TSPAN9: variants seen among roughly 807,000 people sequenced by gnomAD.
TSPAN9 encodes the protein tetraspanin 9, also known as tetraspanin-9.
A neutral mutation model predicts 31.0 loss-of-function variants in TSPAN9; 16 were observed. The observed-to-expected ratio is 0.52, with a 90% CI of 0.35 to 0.78. The LOEUF is 0.78. Among genes scored for constraint, TSPAN9 ranks in the 30% least tolerant of loss-of-function variants. The pLI is 0.01. For missense variants in TSPAN9, 272 were observed against 312.5 expected, an observed-to-expected ratio of 0.87 and a Z score of 0.98; for synonymous variants, 145 against 121.6, an observed-to-expected ratio of 1.19 and a Z score of -1.27.
At chr12:3,281,467 G>T in intron 7 of TSPAN9, 138 bp downstream of exon 7, 1 of 772,122 alleles carries the variant, frequency 1.3e-6, no homozygotes, top group Non-Finnish European at 1.8e-6. Flanking sequence ...CAAAAATAAA[G>T]CCAAAAGACA....
In TSPAN9 at chr12:3,084,977, G is replaced by C. The variant is rs561217572; in HGVS notation, c.-18+1258G>C. Among the ~76,000 whole-genome samples, 9 of 152,340 alleles carry C rather than the reference G, an allele frequency of 5.9e-5. No individual in the cohort carries two copies. The South Asian group carries it at 1.9e-3, about 32-fold the overall frequency. On this transcript the variant is annotated intron_variant, in intron 2 of 8. Transcript: ENST00000011898. ...TCCCGCCTCCCTGGGGCCCGGATGG[G>C]TGTCTGCTTTCATTCTTGCAGCTCT...
At chr12:3,281,480 T>G (rs1591724356) in intron 7 of TSPAN9, 151 bp downstream of exon 7, 69 of 775,122 alleles carry the variant, frequency 8.9e-5, no homozygotes, top group East Asian at 3.2e-4. Flanking sequence ...AAAAGACAGG[T>G]GGAAAATGGG....
intron 2 of TSPAN9, chr12:3,199,864 AG>A: frequency 6.6e-6 from 1 of 152,340 alleles, no homozygotes; most frequent in Non-Finnish European, 1.5e-5. Context: ...AAAGGCATGG[AG>A]GGGGGCGTGT....
chr12:3,227,317 G>A (rs766388448), intron 3 of TSPAN9, among the ~76,000 whole-genome samples: 16 of 152,190 alleles, frequency 1.1e-4, no homozygotes, highest in Non-Finnish European at 7.3e-5. Flanking sequence ...CCAGGGCTGC[G>A]CAGCCTGGGC....
chr12:3,094,559 G>A (rs1364979597), intron 2 of TSPAN9, among the ~76,000 whole-genome samples: 2 of 147,726 alleles, frequency 1.4e-5, no homozygotes, highest in Non-Finnish European at 3.0e-5. Flanking sequence ...TTTTTGAGAC[G>A]GAGTTTTGCT....
chr12:3,247,308 C>T (rs1157646703), intron 3 of TSPAN9, among the ~76,000 whole-genome samples: 4 of 50,898 alleles, frequency 7.9e-5, no homozygotes, highest in Admixed American at 3.4e-4. Context: ...AGCCCCCCCC[C>T]CCCCGCCACC....
At chr12:3,082,225 A>G (rs1006035306) in intron 1 of TSPAN9, among the ~76,000 whole-genome samples, 15 of 152,226 alleles carry the variant, frequency 9.9e-5, no homozygotes, top group African/African-American at 2.7e-4. Context: ...GGTGGTGGAC[A>G]TGAACCCCGG....
At chr12:3,129,928 C>T (rs754346361) in intron 2 of TSPAN9, among the ~76,000 whole-genome samples, 6 of 152,180 alleles carry the variant, frequency 3.9e-5, no homozygotes, top group Non-Finnish European at 7.3e-5. Flanking sequence ...CCCTCCATGC[C>T]CTCTGTGCAT....
chr12:3,078,666 T>A (rs2098296323), intron 1 of TSPAN9, among the ~76,000 whole-genome samples: 2 of 152,112 alleles, frequency 1.3e-5, no homozygotes. Context: ...CTGATGCAGC[T>A]GGGCTGTGGG....
chr12:3,092,143 A>G (rs1565572319), intron 2 of TSPAN9, among the ~76,000 whole-genome samples: 1 of 152,336 alleles, frequency 6.6e-6, no homozygotes, highest in African/African-American at 2.4e-5. Flanking sequence ...AGCCTGCTCC[A>G]ACTGAGGGCT....
chr12:3,107,411 G>C lies in TSPAN9; in HGVS notation c.-18+23692G>C, dbSNP rs564057161. On this transcript the variant is annotated intron_variant, in intron 2 of 8. Transcript: ENST00000011898. The surrounding 1 kb of genome is among the most constrained non-coding windows in gnomAD (Gnocchi z 4.1). ...CCCAGCCTGTTTGGCTGCCTGATGG[G>C]TTGACTCAGGGCCTTCGTTCCCAGT... Among the ~76,000 whole-genome samples the C allele has an allele frequency of 1.2e-4, 19 of 152,216 alleles. No individual in the cohort carries two copies. Among genetic ancestry groups the C allele is most frequent in the Non-Finnish European group, 2.2e-4 (15 of 68,046 alleles).
Position 3,107,132 on chromosome 12 carries a change from A to G in TSPAN9, c.-18+23413A>G, listed in dbSNP as rs189444263. Reference sequence around the variant, plus strand: ...TGCTGCCACCGCAGAGCACGAAATCATCACGGGGCTGTGGAAATCCAATTA... The same window carrying G: ...TGCTGCCACCGCAGAGCACGAAATCGTCACGGGGCTGTGGAAATCCAATTA... On this transcript the variant is annotated intron_variant, in intron 2 of 8. Coordinates refer to ENST00000011898, the MANE Select transcript of TSPAN9 (RefSeq NM_006675.5). This position sits in a 1 kb window ranked among gnomAD's most constrained non-coding sequence, Gnocchi z 4.1. Among the ~76,000 whole-genome samples the G allele has an allele frequency of 8.5e-5, 13 of 152,260 alleles. No individual in the cohort carries two copies. Among genetic ancestry groups the G allele is most frequent in the African/African-American group, 2.9e-4 (12 of 41,564 alleles).
At chr12:3,116,755 G>A (rs563949600) in intron 2 of TSPAN9, among the ~76,000 whole-genome samples, 4 of 152,306 alleles carry the variant, frequency 2.6e-5, no homozygotes, top group South Asian at 2.1e-4. Flanking sequence ...CCGGGAGCGC[G>A]CGCCTGCCCT....
rs71577847 is a variant in TSPAN9 at position 3,281,786 on chromosome 12, G to T, written c.617G>T (p.Gly206Val). 3.1e-5 allele frequency: 50 copies of T among 1,614,080 alleles called. No individual in the cohort carries two copies. The Middle Eastern group carries it at 6.6e-4, about 21-fold the overall frequency. The change falls in exon 8 of 9, where the codon GGC (glycine) becomes GTC (valine). Residue 206 changes from glycine to valine, a missense_variant. Coordinates refer to ENST00000011898, the MANE Select transcript of TSPAN9 (RefSeq NM_006675.5). ...TTCGATGACAATAAGCACGTGCTGGGCACGGTGGGGATGTGCATCCTCATC... is the reference window on the plus strand; with the variant it reads ...TTCGATGACAATAAGCACGTGCTGGTCACGGTGGGGATGTGCATCCTCATC... ...MWFDDNKHVL[G>V]TVGMCILIMQ...
At chr12:3,226,185 G>A (rs1293931359) in intron 3 of TSPAN9, among the ~76,000 whole-genome samples, 1 of 152,104 alleles carries the variant, frequency 6.6e-6, no homozygotes, top group African/African-American at 2.4e-5. Flanking sequence ...GAGGACGGTC[G>A]TGAGGGGCTG....
At chr12:3,102,154 C>T (rs2153964450) in intron 2 of TSPAN9, among the ~76,000 whole-genome samples, 1 of 151,928 alleles carries the variant, frequency 6.6e-6, no homozygotes, top group Admixed American at 6.6e-5. Flanking sequence ...GTTGGGACCT[C>T]ATTCTGTTGC....
intron 2 of TSPAN9, among the ~76,000 whole-genome samples, chr12:3,157,964 G>C (rs1274524846): frequency 6.6e-6 from 1 of 152,162 alleles, no homozygotes; most frequent in African/African-American, 2.4e-5. Flanking sequence ...CAACTCCATT[G>C]TGTCTTTCTC....
chr12:3,109,279 TGTGTGTGTGTGTGTGTGTGTGAGAGAGA>T (rs1191879731), intron 2 of TSPAN9, among the ~76,000 whole-genome samples: 1 of 127,320 alleles, frequency 7.9e-6, no homozygotes, highest in African/African-American at 3.8e-5. Flanking sequence ...TGTGTGTGTG[TGTGTGTGTGTGTGTGTGTGTGAGAGAGA>T]GTGTGTGTGT....
chr12:3,169,760 A>T (rs762083459), intron 2 of TSPAN9, among the ~76,000 whole-genome samples: 1 of 152,162 alleles, frequency 6.6e-6, no homozygotes, highest in Non-Finnish European at 1.5e-5. Flanking sequence ...TGGAAGACTT[A>T]TCAAGGAGGC....
Sources: gnomAD v4.1 joint callset for allele counts (sites outside exome capture counted in the v4.1 genomes callset) on GRCh38, gnomAD v4.1.1 for gene constraint, Gnocchi (gnomAD v3.1) non-coding constraint, MANE v1.5 for transcripts, NCBI Gene and HGNC (gene_info 2026-07-23, HGNC 2026-07-21) for gene names.